Variants in DENND1A observed in about 807,000 individuals in gnomAD.
DENND1A encodes the protein DENN domain containing 1A, also known as DENN domain-containing protein 1A.
In DENND1A, 51 loss-of-function variants were observed where a neutral mutation model predicts 113.7. The ratio of observed to expected loss-of-function variants is 0.45; its 90% CI spans 0.36 to 0.57. The LOEUF is 0.57. DENND1A is among the 20% of genes least tolerant of loss of function. The pLI is 0.00. For missense variants in DENND1A, 1,258 were observed against 1,395.9 expected (o/e 0.90, Z 1.57); for synonymous variants, 565 against 570.8 (o/e 0.99, Z 0.14).
intron 11 of DENND1A, among the ~76,000 whole-genome samples, chr9:123,587,412 G>A (rs892336627): frequency 6.6e-6 from 1 of 152,152 alleles, no homozygotes; most frequent in African/African-American, 2.4e-5. Context: ...ACAAAAGCTG[G>A]TTACAAACAA....
chr9:123,791,744 C>A (rs1833017160), intron 3 of DENND1A, among the ~76,000 whole-genome samples: 1 of 152,138 alleles, frequency 6.6e-6, no homozygotes. Flanking sequence ...AAGGAAGATG[C>A]TTTTACTGTA....
At chr9:123,899,683 C>T (rs10986128) in intron 1 of DENND1A, among the ~76,000 whole-genome samples, 4,253 of 152,250 alleles carry the variant, frequency 0.028, 96 homozygotes, top group South Asian at 0.06. Context: ...ATCACCTGAA[C>T]ATGCTTGAGT....
At chr9:123,705,962 T>A (rs2066168769) in intron 5 of DENND1A, among the ~76,000 whole-genome samples, 2 of 152,114 alleles carry the variant, frequency 1.3e-5, no homozygotes, top group African/African-American at 4.8e-5. Context: ...AACAGTGTCA[T>A]TCAAATTCTG....
rs191215844 is a variant in DENND1A, at chr9:123,408,305, G to A, written c.1542+3471C>T. 1.3e-3 allele frequency among the ~76,000 whole-genome samples: 205 copies of A among 152,304 alleles called. 1 individual carries two copies. The highest frequency in any genetic ancestry group is 2.7e-3 in the Admixed American group (41 of 15,306). On this transcript the variant is annotated intron_variant, in intron 20 of 23. Transcript: ENST00000394215. ...GTAGCAGTGTCCACTGGAAATGCTTGCATAAATGCATTTAGAATAAATGGT... is the reference window on the plus strand; with the variant it reads ...GTAGCAGTGTCCACTGGAAATGCTTACATAAATGCATTTAGAATAAATGGT...
chr9:123,394,077 C>T lies in DENND1A; in HGVS notation c.1632-6219G>A, dbSNP rs138891859. 2.4e-3 allele frequency among the ~76,000 whole-genome samples: 368 copies of T among 152,104 alleles called. 4 individuals carry two copies. Among genetic ancestry groups the T allele is most frequent in the African/African-American group, 8.5e-3 (354 of 41,490 alleles). On this transcript the variant is annotated intron_variant, in intron 21 of 23. Coordinates refer to ENST00000394215, the MANE Select transcript of DENND1A (RefSeq NM_001352964.2). ...CACAATCTCGGCTCACTGCAACCTC[C>T]GCCTCATGTGTTCAAGCGATTCTCC...
intron 5 of DENND1A, among the ~76,000 whole-genome samples, chr9:123,687,948 TCAACTA>T (rs910718517): frequency 1.3e-4 from 20 of 152,356 alleles, no homozygotes; most frequent in African/African-American, 4.8e-4. Context: ...CTGAATCTAT[TCAACTA>T]CAACTACAAG....
chr9:123,875,319 A>G (rs144575878), intron 2 of DENND1A, among the ~76,000 whole-genome samples: 8 of 152,332 alleles, frequency 5.3e-5, no homozygotes, highest in Admixed American at 2.6e-4. Flanking sequence ...ACCCACCTGT[A>G]ACATTTACAG....
intron 11 of DENND1A, among the ~76,000 whole-genome samples, chr9:123,584,095 C>A (rs953431350): frequency 6.6e-6 from 1 of 152,212 alleles, no homozygotes; most frequent in Non-Finnish European, 1.5e-5. Context: ...GTTTCTCCTG[C>A]CTACTCTCCA....
chr9:123,903,827 G>A (rs1034309755), intron 1 of DENND1A, among the ~76,000 whole-genome samples: 7 of 152,124 alleles, frequency 4.6e-5, no homozygotes, highest in African/African-American at 1.4e-4. Flanking sequence ...GCTTGCTTAG[G>A]TAAACAAAGC....
At chr9:123,435,780 C>T (rs1343299284) in intron 19 of DENND1A, among the ~76,000 whole-genome samples, 2 of 152,178 alleles carry the variant, frequency 1.3e-5, no homozygotes, top group African/African-American at 4.8e-5. Flanking sequence ...CTGCACACAG[C>T]CAAGAGAAGC....
intron 19 of DENND1A, among the ~76,000 whole-genome samples, chr9:123,426,971 A>G (rs1465810816): frequency 6.6e-6 from 1 of 152,226 alleles, no homozygotes; most frequent in Non-Finnish European, 1.5e-5. Context: ...CTCTCTGCCT[A>G]GTCCTTGAAG....
At chr9:123,616,012 C>T (rs923802836) in intron 10 of DENND1A, among the ~76,000 whole-genome samples, 1 of 152,168 alleles carries the variant, frequency 6.6e-6, no homozygotes, top group African/African-American at 2.4e-5. Flanking sequence ...CCACTGCAAC[C>T]TCTGTCTCCT....
chr9:123,454,704 G>A (rs1352662224), intron 16 of DENND1A, 35 bp downstream of exon 16: 2 of 1,551,018 alleles, frequency 1.3e-6, no homozygotes, highest in Non-Finnish European at 1.7e-6. Flanking sequence ...GCTAAGGAGG[G>A]AGTCCAGGGG....
chr9:123,757,958 A>G, intron 4 of DENND1A, 136 bp from the exon 5 acceptor site: 1 of 1,017,834 alleles, frequency 9.8e-7, no homozygotes, highest in East Asian at 2.8e-5. Context: ...ATTTCAAGGG[A>G]ACAGACTGTA....
Position 123,775,379 on chromosome 9 carries a change from T to A in DENND1A, c.133-5816A>T, listed in dbSNP as rs188055993. On this transcript the variant is annotated intron_variant, in intron 3 of 23. Transcript: ENST00000394215. The stretch of plus-strand genomic sequence containing the variant: ...TAAATTCCTGTTATCTGCACATTTA[T>A]GTTATCAATATTTCTGAAAGGAAGG... Among the ~76,000 whole-genome samples the A allele has an allele frequency of 1.3e-3, 201 of 152,292 alleles. 1 individual carries two copies. Among genetic ancestry groups the A allele is most frequent in the African/African-American group, 4.6e-3 (192 of 41,556 alleles).
intron 5 of DENND1A, among the ~76,000 whole-genome samples, chr9:123,702,513 C>G (rs370356926): frequency 6.6e-6 from 1 of 152,052 alleles, no homozygotes; most frequent in African/African-American, 2.4e-5. Context: ...AGAATCTAAT[C>G]AAACTGTCAA....
intron 2 of DENND1A, among the ~76,000 whole-genome samples, chr9:123,795,520 C>T (rs764926685): frequency 1.3e-5 from 2 of 152,152 alleles, no homozygotes; most frequent in South Asian, 2.1e-4. Context: ...TTAAGCAAAC[C>T]GCCTTTAAAT....
At chr9:123,403,270 C>T (rs1052769531) in intron 21 of DENND1A, 132 bp downstream of exon 21, 2 of 828,882 alleles carry the variant, frequency 2.4e-6, no homozygotes, top group Non-Finnish European at 3.9e-6. Context: ...CTGAATGACC[C>T]CTTTGTGAAA....
intron 12 of DENND1A, among the ~76,000 whole-genome samples, chr9:123,572,236 T>A (rs1353574137): frequency 6.6e-6 from 1 of 152,212 alleles, no homozygotes; most frequent in East Asian, 1.9e-4. Flanking sequence ...ACTTCTAATG[T>A]ATTTGAGATT....
Sources: gnomAD v4.1 joint callset for allele counts (sites outside exome capture counted in the v4.1 genomes callset) on GRCh38, gnomAD v4.1.1 for gene constraint, MANE v1.5 for transcripts, NCBI Gene and HGNC (gene_info 2026-07-23, HGNC 2026-07-21) for gene names.